The following CATSPERE variants were observed in gnomAD, a reference collection of about 807,000 sequenced individuals.
CATSPERE encodes cation channel sperm-associated auxiliary subunit epsilon.
In CATSPERE, 93 loss-of-function variants were observed where a neutral mutation model predicts 114.1. The observed-to-expected ratio is 0.81, with a 90% confidence interval of 0.69 to 0.97. The LOEUF (loss-of-function observed/expected upper bound fraction) is 0.97. CATSPERE is among the 50% of genes least tolerant of loss of function. The probability of loss-of-function intolerance (pLI) is 0.00; values close to 1 mark genes in which losing one functional copy is unlikely to be tolerated. For synonymous variants in CATSPERE, 341 were observed against 384.1 expected, an observed-to-expected ratio of 0.89 and a Z score of 1.31; for missense variants, 1,058 against 1,131.6, an observed-to-expected ratio of 0.93 and a Z score of 0.93.
At chr1:244,460,006 G>A (rs1440686098), upstream of CATSPERE, among the ~76,000 whole-genome samples, 1 of 152,196 alleles carries the variant, frequency 6.6e-6, no homozygotes, top group African/African-American at 2.4e-5. Flanking sequence ...CAAAGGGAAG[G>A]ATTGAAACCA....
At chr1:244,615,779 G>A (rs1671301173) in intron 19 of CATSPERE, among the ~76,000 whole-genome samples, 1 of 151,896 alleles carries the variant, frequency 6.6e-6, no homozygotes, top group Non-Finnish European at 1.5e-5. Context: ...GTAACGGCAG[G>A]CATAATCAGA....
At chr1:244,474,778 C>G (rs963030663) in intron 2 of CATSPERE, among the ~76,000 whole-genome samples, 1 of 132,288 alleles carries the variant, frequency 7.6e-6, no homozygotes, top group African/African-American at 2.9e-5. Flanking sequence ...TGGTCTTGCT[C>G]TGTCATCCAG....
At chr1:244,528,087 C>T (rs1381118110) in intron 8 of CATSPERE, among the ~76,000 whole-genome samples, 1 of 152,226 alleles carries the variant, frequency 6.6e-6, no homozygotes, top group Non-Finnish European at 1.5e-5. Flanking sequence ...ATTAGCTATT[C>T]TTCCTGATGC....
intron 8 of CATSPERE, among the ~76,000 whole-genome samples, chr1:244,544,520 A>G (rs1379774601): frequency 6.6e-6 from 1 of 152,240 alleles, no homozygotes; most frequent in Non-Finnish European, 1.5e-5. Context: ...TCCCCATATT[A>G]GTTCCTGTCC....
chr1:244,605,969 G>A (rs1669935645), intron 18 of CATSPERE, among the ~76,000 whole-genome samples, 175 bp downstream of exon 18: 1 of 152,120 alleles, frequency 6.6e-6, no homozygotes, highest in Non-Finnish European at 1.5e-5. Flanking sequence ...AAAAATAGAA[G>A]TTGTCACATA....
At chr1:244,452,970 A>G (rs922145466), upstream of CATSPERE, among the ~76,000 whole-genome samples, 1 of 152,244 alleles carries the variant, frequency 6.6e-6, no homozygotes, top group Non-Finnish European at 1.5e-5. Flanking sequence ...CCGTCTCCCA[A>G]ATCGCCTGTA....
At chr1:244,453,114 T>C (rs1665773466), upstream of CATSPERE, among the ~76,000 whole-genome samples, 1 of 152,202 alleles carries the variant, frequency 6.6e-6, no homozygotes, top group Non-Finnish European at 1.5e-5. Context: ...ATAGGAGAAA[T>C]AAAGATACAA....
At chr1:244,532,201 G>GTCT (rs1351548135) in intron 8 of CATSPERE, among the ~76,000 whole-genome samples, 2 of 151,716 alleles carry the variant, frequency 1.3e-5, no homozygotes, top group Admixed American at 1.3e-4. Context: ...ATTTATTTGA[G>GTCT]TCTTCTCTCT....
chr1:244,494,537 G>A (rs1247546256), intron 6 of CATSPERE, among the ~76,000 whole-genome samples: 1 of 150,752 alleles, frequency 6.6e-6, no homozygotes, highest in African/African-American at 2.4e-5. Flanking sequence ...CACCAACATG[G>A]CACATGTATA....
At chr1:244,488,812 A>G (rs1202460667) in intron 5 of CATSPERE, among the ~76,000 whole-genome samples, 1 of 152,192 alleles carries the variant, frequency 6.6e-6, no homozygotes, top group Admixed American at 6.5e-5. Context: ...CTCTGGGCAT[A>G]GTTTACCTAT....
At chr1:244,594,604 A>T (rs1435786361) in intron 17 of CATSPERE, among the ~76,000 whole-genome samples, 3 of 152,234 alleles carry the variant, frequency 2.0e-5, no homozygotes, top group African/African-American at 4.8e-5. Flanking sequence ...CTGTTAGGGT[A>T]GACTGCTGGA....
downstream of CATSPERE, chr1:244,640,504 AC>A (rs1422205644): frequency 1.4e-5 from 1 of 70,994 alleles, no homozygotes; most frequent in Non-Finnish European, 3.0e-5. Context: ...GATTTAAATA[AC>A]CTGCCCTAAA....
chr1:244,521,378 G>T (rs1677525572), intron 8 of CATSPERE, among the ~76,000 whole-genome samples: 1 of 151,810 alleles, frequency 6.6e-6, no homozygotes, highest in Admixed American at 6.6e-5. Flanking sequence ...AATAAATCCA[G>T]TAATATATAT....
chr1:244,525,865 A>G (rs1678501201), intron 8 of CATSPERE, among the ~76,000 whole-genome samples: 1 of 152,082 alleles, frequency 6.6e-6, no homozygotes, highest in African/African-American at 2.4e-5. Flanking sequence ...AACTTGATTA[A>G]TAATGGCTTA....
At chr1:244,513,465 G>T (rs1182418839) in intron 7 of CATSPERE, among the ~76,000 whole-genome samples, 1 of 152,160 alleles carries the variant, frequency 6.6e-6, no homozygotes, top group Non-Finnish European at 1.5e-5. Context: ...AGCAGGTGGA[G>T]AAGATCAATC....
intron 8 of CATSPERE, among the ~76,000 whole-genome samples, chr1:244,522,248 C>T (rs1677697971): frequency 6.6e-6 from 1 of 152,052 alleles, no homozygotes. Context: ...GGGTACATAA[C>T]AAAATGAAGG....
Position 244,639,910 on chromosome 1 carries a change from T to A in CATSPERE, c.2703-18T>A. The A allele has an allele frequency of 1.3e-6, 2 of 1,527,878 alleles. No homozygotes were observed. The highest frequency in any genetic ancestry group is 1.8e-6 in the Non-Finnish European group (2 of 1,141,684). The allele number at this position is 1,527,878 out of a possible 1,614,324, so 94.6% of individuals were successfully genotyped here. The stretch of plus-strand genomic sequence containing the variant: ...AACAATGACTTCTAATGCCTTTTTT[T>A]TTTTTTTCTGATTTCAGTCCAAGTG... On this transcript the variant is annotated intron_variant, in intron 21 of 21. Transcript: ENST00000366534.
chr1:244,473,644 G>A (rs1158052028), intron 2 of CATSPERE, among the ~76,000 whole-genome samples: 1 of 150,782 alleles, frequency 6.6e-6, no homozygotes, highest in Non-Finnish European at 1.5e-5. Flanking sequence ...TTTTTGATTT[G>A]TGCTTTTTGT....
intron 17 of CATSPERE, among the ~76,000 whole-genome samples, chr1:244,597,549 T>TTC (rs1430133517): frequency 6.6e-6 from 1 of 151,608 alleles, no homozygotes; most frequent in Non-Finnish European, 1.5e-5. Context: ...TTTTTTTTTT[T>TTC]TCATGATCTG....
Sources: gnomAD v4.1 joint callset for allele counts (sites outside exome capture counted in the v4.1 genomes callset) on GRCh38, gnomAD v4.1.1 for gene constraint, MANE v1.5 for transcripts, NCBI Gene and HGNC (gene_info 2026-07-23, HGNC 2026-07-21) for gene names.